Variants in DUS2 observed in about 807,000 individuals in gnomAD.
DUS2 encodes the protein dihydrouridine synthase 2.
In DUS2, 52 loss-of-function variants were observed where a neutral mutation model predicts 71.3. The observed-to-expected ratio is 0.73, with a 90% CI of 0.58 to 0.92. DUS2 has a LOEUF of 0.92. Ranked by LOEUF, DUS2 falls within the 40% of genes least tolerant of loss-of-function variation. The pLI is 0.00. For synonymous variants in DUS2, 204 were observed against 227.8 expected (o/e 0.90, Z 0.94); for missense variants, 558 against 622.6 (o/e 0.90, Z 1.10).
At chr16:68,035,358 C>T (rs988977519) in intron 2 of DUS2, among the ~76,000 whole-genome samples, 1 of 151,980 alleles carries the variant, frequency 6.6e-6, no homozygotes, top group Admixed American at 6.6e-5. Flanking sequence ...TTTCTTACTG[C>T]TGTTAACATT....
At position 68,059,154 on chromosome 16, in the gene DUS2, A is replaced by G. The variant is rs139996292; in HGVS notation, c.370-1912A>G. ...CATGAACCCCAGAGGCAGAGGTCGC[A>G]GTGAGCCAAGATCACGCCACTGCAG... On this transcript the variant is annotated intron_variant, in intron 7 of 16. Coordinates refer to ENST00000565263, the MANE Select transcript of DUS2 (RefSeq NM_017803.5). 2.6e-3 allele frequency among the ~76,000 whole-genome samples: 394 copies of G among 152,308 alleles called. 3 individuals are homozygous for G. The highest frequency in any genetic ancestry group is 9.0e-3 in the African/African-American group (374 of 41,566).
chr16:68,076,978 CG>C (rs946066821), intron 15 of DUS2, among the ~76,000 whole-genome samples: 3 of 151,810 alleles, frequency 2.0e-5, no homozygotes, highest in African/African-American at 4.8e-5. Context: ...TGGTCTCAGC[CG>C]GGCACGGTGG....
In DUS2 at chr16:68,061,127, G is replaced by A. The variant is rs747613825; in HGVS notation, c.417+14G>A. 2.5e-5 allele frequency: 40 copies of A among 1,613,860 alleles called. No individual in the cohort carries two copies. The highest frequency in any genetic ancestry group is 9.9e-5 in the South Asian group (9 of 91,082). On this transcript the variant is annotated intron_variant, in intron 8 of 16. Coordinates refer to ENST00000565263, the MANE Select transcript of DUS2 (RefSeq NM_017803.5). ...AAGATTGAGAAGGTAAGTCCTCCAC[G>A]AGTGAAAGCAGGGGTCCTCAAACAC...
intron 1 of DUS2, among the ~76,000 whole-genome samples, chr16:68,024,679 G>A (rs1053443490): frequency 3.3e-5 from 5 of 152,086 alleles, no homozygotes; most frequent in African/African-American, 7.2e-5. Flanking sequence ...GAGGAAGAGA[G>A]GCTTTTTTTC....
At chr16:68,075,824 A>T (rs576611093) in intron 14 of DUS2, among the ~76,000 whole-genome samples, 1 of 152,296 alleles carries the variant, frequency 6.6e-6, no homozygotes, top group South Asian at 2.1e-4. Context: ...GGCTCCTGGC[A>T]TGAAGCTCCT....
intron 1 of DUS2, 71 bp downstream of exon 1, chr16:68,023,422 G>A: frequency 1.7e-6 from 1 of 605,920 alleles, no homozygotes; most frequent in Non-Finnish European, 2.9e-6. Context: ...CGTCGTGGAG[G>A]CAGGACTGGA....
At chr16:68,029,065 T>C (rs565478913) in intron 2 of DUS2, among the ~76,000 whole-genome samples, 49 of 152,008 alleles carry the variant, frequency 3.2e-4, no homozygotes, top group Non-Finnish European at 5.3e-4. Flanking sequence ...ATTAGCTAGA[T>C]GTGGTGGAAC....
At chr16:68,024,158 G>A (rs1451244730) in intron 1 of DUS2, among the ~76,000 whole-genome samples, 3 of 148,834 alleles carry the variant, frequency 2.0e-5, no homozygotes, top group Non-Finnish European at 4.4e-5. Flanking sequence ...GTGCAGTGGC[G>A]CAATCTCGGC....
chr16:68,075,759 G>A (rs1302699022), intron 14 of DUS2, among the ~76,000 whole-genome samples: 4 of 152,124 alleles, frequency 2.6e-5, no homozygotes, highest in Non-Finnish European at 5.9e-5. Context: ...TCAGGGCAGG[G>A]GGGACTTGTC....
intron 3 of DUS2, among the ~76,000 whole-genome samples, chr16:68,043,148 C>T (rs1290852152): frequency 6.6e-6 from 1 of 152,054 alleles, no homozygotes; most frequent in African/African-American, 2.4e-5. Context: ...ATGGCTCACA[C>T]CTGTAATCCC....
chr16:68,056,928 A>G (rs1944881139), intron 7 of DUS2, among the ~76,000 whole-genome samples: 1 of 143,272 alleles, frequency 7.0e-6, no homozygotes, highest in African/African-American at 2.5e-5. Context: ...ATATAATAAT[A>G]CACATATATG....
At chr16:68,074,792 C>G (rs1220479118) in intron 13 of DUS2, among the ~76,000 whole-genome samples, 2 of 152,230 alleles carry the variant, frequency 1.3e-5, no homozygotes, top group East Asian at 3.8e-4. Context: ...TTTGAGTCTT[C>G]CAGCCTTCAA....
At chr16:68,047,928 A>G (rs559260413) in intron 3 of DUS2, among the ~76,000 whole-genome samples, 2 of 151,906 alleles carry the variant, frequency 1.3e-5, no homozygotes, top group East Asian at 1.9e-4. Context: ...CCACAGGCAC[A>G]TGCCACCACG....
chr16:68,056,340 C>G (rs1415230225), intron 6 of DUS2, 24 bp from the exon 7 acceptor site: 1 of 1,607,870 alleles, frequency 6.2e-7, no homozygotes, highest in Non-Finnish European at 8.5e-7. Context: ...TACTTATTAC[C>G]TTTACTCCTT....
intron 3 of DUS2, among the ~76,000 whole-genome samples, chr16:68,038,876 CTA>C (rs984161359): frequency 5.9e-5 from 9 of 151,428 alleles, no homozygotes; most frequent in African/African-American, 1.9e-4. Context: ...TAGTGAGACT[CTA>C]TCTCTTTTTT....
chr16:68,036,898 T>C (rs961651285), intron 2 of DUS2, among the ~76,000 whole-genome samples: 1 of 152,150 alleles, frequency 6.6e-6, no homozygotes, highest in Non-Finnish European at 1.5e-5. Flanking sequence ...TCAGGGGTCT[T>C]CATTGATCAA....
chr16:68,031,895 A>G (rs1234026379), intron 2 of DUS2, among the ~76,000 whole-genome samples: 1 of 151,926 alleles, frequency 6.6e-6, no homozygotes, highest in Non-Finnish European at 1.5e-5. Flanking sequence ...GGGTTTCATC[A>G]TGTTGGCCAG....
chr16:68,053,544 G>A lies in DUS2; in HGVS notation c.173-20G>A. 1 of 1,613,464 alleles carries A rather than the reference G, an allele frequency of 6.2e-7. No individual in the cohort carries two copies. Among genetic ancestry groups the A allele is most frequent in the Non-Finnish European group, 8.5e-7 (1 of 1,179,358 alleles). On this transcript the variant is annotated intron_variant, in intron 4 of 16. Transcript: ENST00000565263. Reference sequence around the variant, plus strand: ...TTGCATCTTCATTGAGTGACCCTATGTGTTTGGGTTTTCTTGCAGAGGTGC... The same window carrying A: ...TTGCATCTTCATTGAGTGACCCTATATGTTTGGGTTTTCTTGCAGAGGTGC...
At chr16:68,052,299 A>C (rs922195450) in intron 4 of DUS2, among the ~76,000 whole-genome samples, 2 of 152,146 alleles carry the variant, frequency 1.3e-5, no homozygotes, top group African/African-American at 4.8e-5. Context: ...ACACTTGTTG[A>C]CAGTATGAGA....
Sources: gnomAD v4.1 joint callset for allele counts (sites outside exome capture counted in the v4.1 genomes callset) on GRCh38, gnomAD v4.1.1 for gene constraint, MANE v1.5 for transcripts, NCBI Gene and HGNC (gene_info 2026-07-23, HGNC 2026-07-21) for gene names.